PLAC8L1: variants seen among roughly 807,000 people sequenced by gnomAD.
The protein encoded by PLAC8L1 is PLAC8-like protein 1.
Under a neutral mutation model 16.3 loss-of-function variants are expected in PLAC8L1, and 13 were observed. The ratio of observed to expected loss-of-function variants is 0.80; its 90% CI spans 0.52 to 1.27. PLAC8L1 has a LOEUF of 1.27. Among genes scored for constraint, PLAC8L1 ranks in the 50% most tolerant of loss-of-function variants. The pLI, the probability that PLAC8L1 is intolerant of heterozygous loss-of-function variation, is 0.00. For synonymous variants in PLAC8L1, 78 were observed against 79.3 expected (o/e 0.98, Z 0.09); for missense variants, 184 against 220.2 (o/e 0.84, Z 1.04).
In PLAC8L1 at chr5:146,105,084, G is replaced by A. The variant is rs549443880; in HGVS notation, c.-773C>T. ...TGCCTCTGGCACATGTCTTATGGAG[G>A]TGTGGACCCTAGAAATATTAGGAAA... On this transcript the variant is annotated 5_prime_UTR_variant, in exon 1 of 4. Transcript: ENST00000311450. Among the ~76,000 whole-genome samples the A allele has an allele frequency of 2.0e-5, 3 of 152,148 alleles. No individual in the cohort carries two copies. The highest frequency in any genetic ancestry group is 4.4e-5 in the Non-Finnish European group (3 of 68,036).
rs1763876697 is a variant in PLAC8L1, at chr5:146,104,488, G to A, written c.-177C>T. The A allele has an allele frequency of 3.6e-6, 2 of 553,002 alleles. No homozygotes were observed. Among genetic ancestry groups the A allele is most frequent in the Middle Eastern group, 3.1e-4 (1 of 3,250 alleles). 34.3% of individuals were successfully genotyped at this position (553,002 alleles called of 1,614,324 possible). On this transcript the variant is annotated 5_prime_UTR_variant, in exon 1 of 4. Coordinates refer to ENST00000311450, the MANE Select transcript of PLAC8L1 (RefSeq NM_001029869.3). ...AGACATCTTTTTTCTTTAAAAACAG[G>A]TATACACCTAACTGTGGACACATTC...
rs141027641 is a variant in PLAC8L1, at chr5:146,095,977, G to C, written c.256+2179C>G. On this transcript the variant is annotated intron_variant, in intron 2 of 3. Coordinates refer to ENST00000311450, the MANE Select transcript of PLAC8L1 (RefSeq NM_001029869.3). ...AAATTCAATGTTGGCTTATATATTC[G>C]TTTCCTAGGGCTGCCATAGCAAAAT... Among the ~76,000 whole-genome samples the C allele has an allele frequency of 2.6e-5, 4 of 152,084 alleles. No individual in the cohort carries two copies. The East Asian group carries it at 7.7e-4, about 29-fold the overall frequency.
intron 1 of PLAC8L1, among the ~76,000 whole-genome samples, chr5:146,102,040 C>CTTTTT (rs36011275): frequency 1.7e-4 from 22 of 130,490 alleles, no homozygotes; most frequent in Non-Finnish European, 2.4e-4. Context: ...TGTGTTTACC[C>CTTTTT]TTTTTTTTTT....
intron 2 of PLAC8L1, among the ~76,000 whole-genome samples, chr5:146,089,100 A>G (rs969744740): frequency 7.9e-5 from 12 of 152,222 alleles, no homozygotes; most frequent in African/African-American, 2.9e-4. Flanking sequence ...CTCAATAAGT[A>G]TATTGTACAG....
intron 2 of PLAC8L1, 92 bp from the exon 3 acceptor site, chr5:146,085,689 T>C: frequency 7.3e-7 from 1 of 1,375,880 alleles, no homozygotes; most frequent in Non-Finnish European, 9.9e-7. Context: ...ATGCCACCAG[T>C]TTAATGCTGC....
intron 2 of PLAC8L1, among the ~76,000 whole-genome samples, chr5:146,085,823 T>C (rs1763501193): frequency 6.6e-6 from 1 of 152,188 alleles, no homozygotes; most frequent in African/African-American, 2.4e-5. Context: ...AAGATGAACC[T>C]GATACAATTC....
intron 3 of PLAC8L1, among the ~76,000 whole-genome samples, 188 bp from the exon 4 acceptor site, chr5:146,084,760 C>T (rs747029621): frequency 6.6e-6 from 1 of 152,208 alleles, no homozygotes; most frequent in East Asian, 1.9e-4. Context: ...TCAATGCCTG[C>T]GATTCAGAGC....
At chr5:146,094,941 G>A (rs1424908708) in intron 2 of PLAC8L1, among the ~76,000 whole-genome samples, 1 of 152,092 alleles carries the variant, frequency 6.6e-6, no homozygotes, top group African/African-American at 2.4e-5. Flanking sequence ...CTCTCCCTTT[G>A]TTCCCAAGTC....
At position 146,098,251 on chromosome 5, in the gene PLAC8L1, C is replaced by G. The variant is rs144848795; in HGVS notation, c.161G>C (p.Arg54Pro). 11 of 1,614,020 alleles carry G rather than the reference C, an allele frequency of 6.8e-6. No homozygotes were observed. The highest frequency in any genetic ancestry group is 1.1e-5 in the South Asian group (1 of 91,066). The change falls in exon 2 of 4, where the codon CGG (arginine) becomes CCG (proline). Residue 54 changes from arginine (R) to proline (P), a missense_variant. Arg to Pro is a moderately radical substitution (Grantham distance 103). Transcript: ENST00000311450. Reference protein sequence around the residue: ...PASAVVKQPVRGASGRTTITA... With the variant: ...PASAVVKQPVPGASGRTTITA... ...GATTGTCGTCCTGCCACTGGCTCCCCGAACAGGCTGCTTCACCACAGCGCT... is the reference window on the plus strand; with the variant it reads ...GATTGTCGTCCTGCCACTGGCTCCCGGAACAGGCTGCTTCACCACAGCGCT...
At chr5:146,101,751 AG>A (rs1377578212) in intron 1 of PLAC8L1, among the ~76,000 whole-genome samples, 2 of 152,244 alleles carry the variant, frequency 1.3e-5, no homozygotes, top group African/African-American at 2.4e-5. Flanking sequence ...ATACAAGCAG[AG>A]GGTAGCCTAA....
At chr5:146,095,733 C>T (rs1036178834) in intron 2 of PLAC8L1, among the ~76,000 whole-genome samples, 4 of 152,050 alleles carry the variant, frequency 2.6e-5, no homozygotes, top group South Asian at 2.1e-4. Flanking sequence ...TTCAGAGAAC[C>T]GTGGGCCTGG....
intron 1 of PLAC8L1, among the ~76,000 whole-genome samples, chr5:146,102,040 CTTTT>C (rs36011275): frequency 5.4e-5 from 7 of 130,504 alleles, no homozygotes; most frequent in East Asian, 2.2e-4. Context: ...TGTGTTTACC[CTTTT>C]TTTTTTTTTT....
chr5:146,084,610 C>G, intron 3 of PLAC8L1, 38 bp from the exon 4 acceptor site: 1 of 1,609,194 alleles, frequency 6.2e-7, no homozygotes, highest in Non-Finnish European at 8.5e-7. Flanking sequence ...TGTAGTCACA[C>G]AGGCTCATTT....
chr5:146,092,315 T>A (rs369850408), intron 2 of PLAC8L1, among the ~76,000 whole-genome samples: 1 of 152,184 alleles, frequency 6.6e-6, no homozygotes, highest in Non-Finnish European at 1.5e-5. Flanking sequence ...TTTGGCAACA[T>A]CTATCAATAT....
chr5:146,089,082 C>G (rs992507790), intron 2 of PLAC8L1, among the ~76,000 whole-genome samples: 1 of 152,058 alleles, frequency 6.6e-6, no homozygotes, highest in African/African-American at 2.4e-5. Context: ...AGAGAAATGC[C>G]CACCATTCTC....
intron 1 of PLAC8L1, 152 bp downstream of exon 1, chr5:146,104,041 T>C: frequency 7.2e-7 from 1 of 1,394,168 alleles, no homozygotes; most frequent in East Asian, 2.7e-5. Context: ...AACAAATCAG[T>C]TGCCCTCTTT....
intron 2 of PLAC8L1, among the ~76,000 whole-genome samples, chr5:146,091,633 CA>C (rs35618261): frequency 0.23 from 33,709 of 145,994 alleles, 4,772 homozygotes; most frequent in Admixed American, 0.34. Context: ...TCCATCTCTA[CA>C]AAAAAAAAAA....
chr5:146,084,964 T>C (rs1763482719), intron 3 of PLAC8L1, among the ~76,000 whole-genome samples: 1 of 152,216 alleles, frequency 6.6e-6, no homozygotes, highest in African/African-American at 2.4e-5. Context: ...TCTCCAGCTG[T>C]CCCCAGCCAT....
chr5:146,087,764 T>A (rs1763540696), intron 2 of PLAC8L1, among the ~76,000 whole-genome samples: 1 of 152,184 alleles, frequency 6.6e-6, no homozygotes, highest in Non-Finnish European at 1.5e-5. Flanking sequence ...GAGGTTTCAT[T>A]GCCTTACAGT....
Sources: allele counts gnomAD v4.1 joint callset (sites outside exome capture counted in the v4.1 genomes callset), GRCh38; gene constraint gnomAD v4.1.1; transcripts MANE v1.5; gene names NCBI Gene and HGNC (gene_info 2026-07-23, HGNC 2026-07-21).